The following PTPRG variants were observed in gnomAD, a reference collection of about 807,000 sequenced individuals.
The protein encoded by PTPRG is receptor-type tyrosine-protein phosphatase gamma.
PTPRG carries 102 observed loss-of-function variants against 165.3 expected under a neutral mutation model. That is an observed-to-expected ratio of 0.62 (90% CI 0.53 to 0.73). PTPRG has a LOEUF of 0.73. Among genes scored for constraint, PTPRG ranks in the 30% least tolerant of loss-of-function variants. The pLI is 0.00. For missense variants in PTPRG, 1,866 were observed against 1,861.4 expected, an observed-to-expected ratio of 1.00 and a Z score of -0.05; for synonymous variants, 675 against 669.5, an observed-to-expected ratio of 1.01 and a Z score of -0.13.
chr3:61,660,625 A>G (rs966012036), intron 1 of PTPRG, among the ~76,000 whole-genome samples: 12 of 152,146 alleles, frequency 7.9e-5, no homozygotes, highest in African/African-American at 2.7e-4. Context: ...TTAAAAGACC[A>G]TTTCAGAGGA....
chr3:61,883,208 G>A (rs941600717), intron 2 of PTPRG, among the ~76,000 whole-genome samples: 2 of 152,184 alleles, frequency 1.3e-5, no homozygotes, highest in Admixed American at 6.5e-5. Flanking sequence ...AAGAAGCTTA[G>A]AATAATGATG....
chr3:61,563,075 G>A (rs1463666156), intron 1 of PTPRG, among the ~76,000 whole-genome samples: 2 of 151,864 alleles, frequency 1.3e-5, no homozygotes, highest in African/African-American at 4.8e-5. Flanking sequence ...GCCCCGGCCC[G>A]TGGCCCTTTC....
At chr3:61,963,996 G>C (rs1394911960) in intron 2 of PTPRG, among the ~76,000 whole-genome samples, 2 of 152,170 alleles carry the variant, frequency 1.3e-5, no homozygotes, top group Non-Finnish European at 2.9e-5. Flanking sequence ...TAATTTAACA[G>C]TATTCTTTCA....
chr3:62,179,518 A>G (rs1042936483), intron 8 of PTPRG, among the ~76,000 whole-genome samples: 1 of 152,224 alleles, frequency 6.6e-6, no homozygotes, highest in African/African-American at 2.4e-5. Flanking sequence ...TTGCCAGAAG[A>G]GAAGAGCCTT....
chr3:61,844,224 A>G (rs1054539483), intron 2 of PTPRG, among the ~76,000 whole-genome samples: 37 of 152,272 alleles, frequency 2.4e-4, no homozygotes, highest in African/African-American at 8.7e-4. Flanking sequence ...TTTGCCTCCC[A>G]AAGTGCTAGG....
chr3:61,952,381 A>T (rs1426439991), intron 2 of PTPRG, among the ~76,000 whole-genome samples: 1 of 152,126 alleles, frequency 6.6e-6, no homozygotes, highest in African/African-American at 2.4e-5. Flanking sequence ...GCTTTGAATG[A>T]TAAAGGGGTT....
At chr3:62,225,628 G>A (rs1210899343) in intron 13 of PTPRG, among the ~76,000 whole-genome samples, 2 of 148,746 alleles carry the variant, frequency 1.3e-5, no homozygotes, top group African/African-American at 5.0e-5. Flanking sequence ...AAAAGGCTTT[G>A]TATATCTAAA....
chr3:61,818,000 G>A (rs777295747), intron 2 of PTPRG, among the ~76,000 whole-genome samples: 13 of 152,028 alleles, frequency 8.6e-5, no homozygotes, highest in Non-Finnish European at 1.6e-4. Context: ...GAGAAGACAG[G>A]TCTGTGAAAG....
chr3:62,054,269 G>C (rs1022370466), intron 4 of PTPRG, among the ~76,000 whole-genome samples: 1 of 152,194 alleles, frequency 6.6e-6, no homozygotes, highest in Non-Finnish European at 1.5e-5. Context: ...GACTCTCCTG[G>C]TAGGCCTGAA....
chr3:61,997,445 C>T (rs574016397), intron 3 of PTPRG, among the ~76,000 whole-genome samples: 1 of 152,254 alleles, frequency 6.6e-6, no homozygotes, highest in South Asian at 2.1e-4. Flanking sequence ...TCTCTGGGTA[C>T]CTGTCACCTT....
At chr3:62,024,012 G>T (rs957679093) in intron 4 of PTPRG, among the ~76,000 whole-genome samples, 1 of 152,102 alleles carries the variant, frequency 6.6e-6, no homozygotes, top group Non-Finnish European at 1.5e-5. Context: ...AAGAAAGGGG[G>T]TCTAGCTTTC....
In PTPRG at chr3:61,662,413, A is replaced by G. The variant is rs569094129; in HGVS notation, c.86-86465A>G. 2.6e-5 allele frequency among the ~76,000 whole-genome samples: 4 copies of G among 152,298 alleles called. No individual in the cohort carries two copies. The East Asian group carries it at 5.8e-4, about 22-fold the overall frequency. On this transcript the variant is annotated intron_variant, in intron 1 of 29. Coordinates refer to ENST00000474889, the MANE Select transcript of PTPRG (RefSeq NM_002841.4). ...GCCATATAAGTAAGCCTGGAAGTGG[A>G]TCCTCTATCCCAGATTAAATATTCA...
At chr3:61,565,604 C>T (rs1231263517) in intron 1 of PTPRG, among the ~76,000 whole-genome samples, 1 of 151,702 alleles carries the variant, frequency 6.6e-6, no homozygotes, top group Non-Finnish European at 1.5e-5. Flanking sequence ...TTCTCAAGCT[C>T]AGCAGATTTT....
intron 2 of PTPRG, among the ~76,000 whole-genome samples, chr3:61,868,668 A>G (rs2107433208): frequency 6.6e-6 from 1 of 152,270 alleles, no homozygotes; most frequent in African/African-American, 2.4e-5. Flanking sequence ...GTTACAGAAA[A>G]TTCTGTGTAA....
chr3:62,017,082 G>A (rs1162555682), intron 4 of PTPRG, among the ~76,000 whole-genome samples: 3 of 152,148 alleles, frequency 2.0e-5, no homozygotes, highest in African/African-American at 7.2e-5. Flanking sequence ...TCAGAGGAGG[G>A]GATCGGTCTG....
chr3:61,788,820 A>C (rs1482201561), intron 2 of PTPRG, among the ~76,000 whole-genome samples: 9 of 152,234 alleles, frequency 5.9e-5, no homozygotes, highest in Non-Finnish European at 1.3e-4. Flanking sequence ...TTTGAGTACC[A>C]ATAAAACTTT....
chr3:61,815,206 G>A (rs1350985232), intron 2 of PTPRG, among the ~76,000 whole-genome samples: 2 of 150,330 alleles, frequency 1.3e-5, no homozygotes, highest in African/African-American at 4.9e-5. Context: ...AGACCAGCCC[G>A]GGCAACATGG....
chr3:61,621,197 C>T (rs1048398936), intron 1 of PTPRG, among the ~76,000 whole-genome samples: 5 of 151,964 alleles, frequency 3.3e-5, no homozygotes, highest in East Asian at 3.9e-4. Context: ...TTGTTTCCCA[C>T]ATCCCCTTTG....
chr3:62,018,779 G>A (rs1041584554), intron 4 of PTPRG, among the ~76,000 whole-genome samples: 10 of 152,156 alleles, frequency 6.6e-5, no homozygotes, highest in Non-Finnish European at 1.3e-4. Flanking sequence ...GCCACATCCC[G>A]GGGAAGCAGG....
Sources: gnomAD v4.1 joint callset for allele counts (sites outside exome capture counted in the v4.1 genomes callset) on GRCh38, gnomAD v4.1.1 for gene constraint, MANE v1.5 for transcripts, NCBI Gene and HGNC (gene_info 2026-07-23, HGNC 2026-07-21) for gene names.